Variants in AK9 observed in about 807,000 individuals in gnomAD.
AK9 encodes adenylate kinase domain containing 1.
Under a neutral mutation model 239.6 loss-of-function variants are expected in AK9, and 191 were observed. The ratio of observed to expected loss-of-function variants is 0.80; its 90% CI spans 0.71 to 0.90. AK9 has a LOEUF of 0.90. Among genes scored for constraint, AK9 ranks in the 40% least tolerant of loss-of-function variants. The probability of loss-of-function intolerance (pLI) is 0.00; values close to 1 mark genes in which losing one functional copy is unlikely to be tolerated. For synonymous variants in AK9, 689 were observed against 721.0 expected, an observed-to-expected ratio of 0.96 and a Z score of 0.71; for missense variants, 1,995 against 2,214.7, an observed-to-expected ratio of 0.90 and a Z score of 1.99.
Position 109,537,054 on chromosome 6 carries a change from T to A in AK9, c.3351-3584A>T, listed in dbSNP as rs550821096. Among the ~76,000 whole-genome samples, 149 of 152,296 alleles carry A rather than the reference T, an allele frequency of 9.8e-4. 2 individuals are homozygous for A. Among genetic ancestry groups the A allele is most frequent in the Admixed American group, 8.2e-3 (126 of 15,290 alleles). ...CATCAATGTTCATCAGGGATATTGGTCTAAAACTCTCTTTTTTTGTTGTGT... is the reference window on the plus strand; with the variant it reads ...CATCAATGTTCATCAGGGATATTGGACTAAAACTCTCTTTTTTTGTTGTGT... On this transcript the variant is annotated intron_variant, in intron 27 of 40. Transcript: ENST00000424296.
intron 35 of AK9, among the ~76,000 whole-genome samples, chr6:109,499,761 G>C (rs971193928): frequency 6.6e-6 from 1 of 152,064 alleles, no homozygotes; most frequent in Non-Finnish European, 1.5e-5. Context: ...ATCACAGACG[G>C]CTAATTTTTT....
intron 2 of AK9, 94 bp from the exon 3 acceptor site, chr6:109,674,355 T>C (rs572080526): frequency 2.5e-6 from 2 of 796,994 alleles, no homozygotes; most frequent in African/African-American, 1.8e-5. Flanking sequence ...TGCTAGTTAC[T>C]ATTACATCAA....
intron 5 of AK9, among the ~76,000 whole-genome samples, chr6:109,667,148 G>A (rs1562582948): frequency 6.6e-6 from 1 of 151,602 alleles, no homozygotes; most frequent in African/African-American, 2.4e-5. Flanking sequence ...AATAGTGATG[G>A]AAACACCAAT....
chr6:109,687,870 T>C (rs1475557039), intron 1 of AK9, among the ~76,000 whole-genome samples: 1 of 152,218 alleles, frequency 6.6e-6, no homozygotes, highest in Non-Finnish European at 1.5e-5. Flanking sequence ...GGATGTAAAA[T>C]ACATAGATAT....
At chr6:109,586,918 T>C (rs1297867550) in intron 17 of AK9, among the ~76,000 whole-genome samples, 1 of 152,154 alleles carries the variant, frequency 6.6e-6, no homozygotes, top group Non-Finnish European at 1.5e-5. Context: ...GGGGAAGAGA[T>C]GTCAAGAGGG....
In AK9 at chr6:109,541,200, A is replaced by G. The variant is rs1265339112; in HGVS notation, c.3350+847T>C. 2.0e-5 allele frequency among the ~76,000 whole-genome samples: 3 copies of G among 152,234 alleles called. No homozygotes were observed. In the East Asian group the frequency reaches 5.8e-4, roughly 29 times the overall value. Reference sequence around the variant, plus strand: ...TTATTTTCCCCTTGATTATAAAAGCAGTAAGTCACACTATAGAAAAATGGA... The same window carrying G: ...TTATTTTCCCCTTGATTATAAAAGCGGTAAGTCACACTATAGAAAAATGGA... On this transcript the variant is annotated intron_variant, in intron 27 of 40. Coordinates refer to ENST00000424296, the MANE Select transcript of AK9 (RefSeq NM_001145128.3).
intron 32 of AK9, among the ~76,000 whole-genome samples, chr6:109,510,831 T>C (rs9766863): frequency 0.25 from 38,265 of 152,096 alleles, 4,865 homozygotes; most frequent in East Asian, 0.42. Flanking sequence ...ACCCAATAGA[T>C]AGTAAAAAAC....
chr6:109,497,242 A>T (rs1777132405), intron 38 of AK9, among the ~76,000 whole-genome samples: 1 of 150,888 alleles, frequency 6.6e-6, no homozygotes, highest in Non-Finnish European at 1.5e-5. Flanking sequence ...CCCCACCCTA[A>T]AGTCCATCAC....
intron 5 of AK9, among the ~76,000 whole-genome samples, chr6:109,666,466 C>T (rs900730541): frequency 2.0e-5 from 3 of 152,172 alleles, no homozygotes; most frequent in South Asian, 2.1e-4. Context: ...GGAGGAGTGG[C>T]GCACCCCAAG....
chr6:109,571,710 A>G (rs1018355592), intron 21 of AK9, among the ~76,000 whole-genome samples: 6 of 152,180 alleles, frequency 3.9e-5, no homozygotes, highest in African/African-American at 1.4e-4. Flanking sequence ...ACTGTCTTTA[A>G]TAGACATTTT....
chr6:109,597,197 C>A (rs1015779326), intron 17 of AK9, among the ~76,000 whole-genome samples: 2 of 152,096 alleles, frequency 1.3e-5, no homozygotes, highest in African/African-American at 2.4e-5. Context: ...TCTTTTCATA[C>A]ACATTGCCAC....
intron 17 of AK9, among the ~76,000 whole-genome samples, chr6:109,606,395 T>C (rs1223766743): frequency 6.6e-6 from 1 of 151,994 alleles, no homozygotes; most frequent in African/African-American, 2.4e-5. Context: ...AAGTACATGG[T>C]GCGAAGTACA....
chr6:109,633,205 C>A lies in AK9; in HGVS notation c.1052G>T (p.Gly351Val). The change falls in exon 11 of 41, where the codon GGA (glycine) becomes GTA (valine). Residue 351 changes from glycine to valine, a missense_variant. This residue lies in a region of AK9 where 1,290 missense variants were observed against 1,392.7 expected (regional missense o/e 0.93). Transcript: ENST00000424296. ...TTACCTCACAGAATAATCTGGTAAT[C>A]CTGAATAAATGTTACCATCTTTTAA... ...VNLKDGNIYS[G>V]LPDYSVSFLG... 1 of 1,598,492 alleles carries A rather than the reference C, an allele frequency of 6.3e-7. No homozygotes were observed. The highest frequency in any genetic ancestry group is 8.5e-7 in the Non-Finnish European group (1 of 1,176,574).
intron 28 of AK9, among the ~76,000 whole-genome samples, chr6:109,530,760 A>T (rs901923633): frequency 6.6e-6 from 1 of 152,224 alleles, no homozygotes; most frequent in Non-Finnish European, 1.5e-5. Context: ...AGGTGAGTTA[A>T]CAGAAATTCA....
chr6:109,518,999 T>G (rs1315182385), intron 29 of AK9, among the ~76,000 whole-genome samples: 3 of 152,170 alleles, frequency 2.0e-5, no homozygotes, highest in African/African-American at 7.2e-5. Context: ...TGTCTATTAT[T>G]GCCATCTTTA....
intron 24 of AK9, among the ~76,000 whole-genome samples, chr6:109,557,832 G>A (rs1785198525): frequency 6.6e-6 from 1 of 152,136 alleles, no homozygotes; most frequent in Admixed American, 6.5e-5. Context: ...TTCCAAAGTG[G>A]TTGTACCAAG....
rs1562364299 is a variant in AK9, at chr6:109,533,253, T to TG, written c.3567dup (p.Arg1190GlnfsTer3). ...ATGCATTTTTGCTAGATACATACCC[T>TG]GATTTTTGCCTTCATGTCTTTGATC... On this transcript the variant is annotated frameshift_variant, in exon 28 of 41. Coordinates refer to ENST00000424296, the MANE Select transcript of AK9 (RefSeq NM_001145128.3). LOFTEE classifies it high-confidence loss of function. 6.2e-7 allele frequency: 1 copy of TG among 1,603,580 alleles called. No homozygotes were observed. The highest frequency in any genetic ancestry group is 1.3e-5 in the African/African-American group (1 of 74,464).
chr6:109,659,489 TTGTA>T, intron 6 of AK9, 76 bp from the exon 7 acceptor site: 1 of 1,514,384 alleles, frequency 6.6e-7, no homozygotes, highest in Non-Finnish European at 8.8e-7. Context: ...ATTGAATATA[TTGTA>T]CAGTACATAA....
chr6:109,624,523 T>C (rs772754301), intron 12 of AK9, among the ~76,000 whole-genome samples: 6 of 152,228 alleles, frequency 3.9e-5, no homozygotes, highest in Non-Finnish European at 7.3e-5. Flanking sequence ...AAAAATTGTC[T>C]TCTGGCTTCC....
Sources: allele counts gnomAD v4.1 joint callset (sites outside exome capture counted in the v4.1 genomes callset), GRCh38; gene constraint gnomAD v4.1.1; regional missense constraint gnomAD v4.1.1; transcripts MANE v1.5; gene names NCBI Gene and HGNC (gene_info 2026-07-23, HGNC 2026-07-21).